Variants in SLIT3 observed in about 807,000 individuals in gnomAD.
SLIT3 encodes the protein slit guidance ligand 3.
Under a neutral mutation model 184.0 loss-of-function variants are expected in SLIT3, and 68 were observed. The observed-to-expected ratio is 0.37, with a 90% CI of 0.30 to 0.45. The LOEUF is 0.45. Ranked by LOEUF, SLIT3 falls within the 20% of genes least tolerant of loss-of-function variation. SLIT3 has a pLI of 1.00. For synonymous variants in SLIT3, 831 were observed against 828.6 expected (o/e 1.00, Z -0.05); for missense variants, 1,707 against 2,026.0 (o/e 0.84, Z 3.02).
chr5:168,940,840 G>A (rs1762307860), intron 4 of SLIT3, among the ~76,000 whole-genome samples: 1 of 152,172 alleles, frequency 6.6e-6, no homozygotes, highest in Non-Finnish European at 1.5e-5. Context: ...GATGTGGCAA[G>A]GGACAGGGTT....
intron 4 of SLIT3, among the ~76,000 whole-genome samples, chr5:169,129,773 G>T (rs1405041166): frequency 1.3e-5 from 2 of 152,182 alleles, no homozygotes; most frequent in African/African-American, 2.4e-5. Context: ...CCAAAATATA[G>T]TTTGGAGTTC....
chr5:168,776,395 A>C (rs773573821), intron 12 of SLIT3, among the ~76,000 whole-genome samples: 1 of 152,200 alleles, frequency 6.6e-6, no homozygotes, highest in Non-Finnish European at 1.5e-5. Flanking sequence ...AAATGCTCAT[A>C]CTGCTAGAAT....
At chr5:169,203,046 G>C (rs1763951761) in intron 3 of SLIT3, among the ~76,000 whole-genome samples, 1 of 152,148 alleles carries the variant, frequency 6.6e-6, no homozygotes, top group Admixed American at 6.5e-5. Context: ...ATGGACAAGA[G>C]TCCTGTCTAC....
intron 6 of SLIT3, among the ~76,000 whole-genome samples, chr5:168,829,122 G>T (rs1273122830): frequency 6.6e-6 from 1 of 152,158 alleles, no homozygotes; most frequent in African/African-American, 2.4e-5. Flanking sequence ...TGATCTGGAG[G>T]AGACACGTCC....
At chr5:169,267,119 G>A (rs564576714) in intron 1 of SLIT3, among the ~76,000 whole-genome samples, 2 of 152,198 alleles carry the variant, frequency 1.3e-5, no homozygotes, top group Admixed American at 6.5e-5. Flanking sequence ...CAGCCTATGA[G>A]GTTGATGCTA....
chr5:169,177,491 T>C (rs1763020765), intron 4 of SLIT3, among the ~76,000 whole-genome samples: 1 of 152,148 alleles, frequency 6.6e-6, no homozygotes, highest in African/African-American at 2.4e-5. Flanking sequence ...AATTTGGGAC[T>C]CCTCACTGGA....
Position 168,793,070 on chromosome 5 carries a change from C to G in SLIT3, c.1007+2437G>C, listed in dbSNP as rs1028804189. On this transcript the variant is annotated intron_variant, in intron 10 of 35. Transcript: ENST00000519560. ...ATTATGTATGTGAAAATATTCCAAACTTTGAAAAATTCAGAACGCTGAAAT... is the reference window on the plus strand; with the variant it reads ...ATTATGTATGTGAAAATATTCCAAAGTTTGAAAAATTCAGAACGCTGAAAT... Among the ~76,000 whole-genome samples, 3 of 152,156 alleles carry G rather than the reference C, an allele frequency of 2.0e-5. No homozygotes were observed. The South Asian group carries it at 6.2e-4, about 32-fold the overall frequency.
intron 14 of SLIT3, among the ~76,000 whole-genome samples, chr5:168,767,212 T>C (rs17070444): frequency 0.016 from 2,436 of 152,268 alleles, 71 homozygotes; most frequent in African/African-American, 0.056. Context: ...AGGGGTAACC[T>C]CAGATAGACG....
intron 20 of SLIT3, among the ~76,000 whole-genome samples, chr5:168,726,828 A>G (rs1265147721): frequency 6.6e-6 from 1 of 151,252 alleles, no homozygotes; most frequent in Non-Finnish European, 1.5e-5. Flanking sequence ...ACAAAACAAA[A>G]CAAAACAAAA....
At chr5:168,891,441 T>C (rs1188605683) in intron 4 of SLIT3, among the ~76,000 whole-genome samples, 1 of 152,184 alleles carries the variant, frequency 6.6e-6, no homozygotes, top group Non-Finnish European at 1.5e-5. Context: ...GTCCTTGGAC[T>C]CCTTCAAGCT....
intron 1 of SLIT3, among the ~76,000 whole-genome samples, chr5:169,277,878 T>C (rs1490056899): frequency 6.6e-6 from 1 of 152,226 alleles, no homozygotes; most frequent in Non-Finnish European, 1.5e-5. Flanking sequence ...TCACCAGCAA[T>C]GTAGGAGGGT....
chr5:168,850,779 C>G (rs1245857558), intron 5 of SLIT3, among the ~76,000 whole-genome samples: 1 of 152,220 alleles, frequency 6.6e-6, no homozygotes, highest in South Asian at 2.1e-4. Context: ...TGCAACTTCT[C>G]AGCAGGAGAA....
intron 4 of SLIT3, among the ~76,000 whole-genome samples, chr5:169,193,174 T>A (rs1763614177): frequency 6.6e-6 from 1 of 152,156 alleles, no homozygotes; most frequent in Non-Finnish European, 1.5e-5. Context: ...GGAATTTACC[T>A]GAAGTAAGTT....
At chr5:168,891,175 T>A (rs1760442525) in intron 4 of SLIT3, among the ~76,000 whole-genome samples, 1 of 152,134 alleles carries the variant, frequency 6.6e-6, no homozygotes, top group Non-Finnish European at 1.5e-5. Context: ...AAAGTCTAAT[T>A]TTAGGGAAAA....
chr5:168,968,654 C>A (rs62377237), intron 4 of SLIT3, among the ~76,000 whole-genome samples: 6,026 of 152,250 alleles, frequency 0.04, 158 homozygotes, highest in Middle Eastern at 0.065. Flanking sequence ...ACCTGTCAAC[C>A]AAAACTGGTC....
intron 3 of SLIT3, among the ~76,000 whole-genome samples, chr5:169,213,684 C>T (rs1016314228): frequency 6.6e-6 from 1 of 152,220 alleles, no homozygotes; most frequent in African/African-American, 2.4e-5. Context: ...TGACCTATTA[C>T]ACATTTTACT....
chr5:168,830,832 C>T (rs1408282694), intron 6 of SLIT3, among the ~76,000 whole-genome samples: 1 of 152,236 alleles, frequency 6.6e-6, no homozygotes, highest in Non-Finnish European at 1.5e-5. Flanking sequence ...ACAGGATTGT[C>T]TTCAGACAGA....
chr5:169,207,317 C>T (rs935166230), intron 3 of SLIT3, among the ~76,000 whole-genome samples: 4 of 150,798 alleles, frequency 2.7e-5, no homozygotes, highest in Admixed American at 2.0e-4. Flanking sequence ...AAATAGATTC[C>T]AGGTGTGTTG....
chr5:168,698,175 G>A (rs1471250276), intron 27 of SLIT3, among the ~76,000 whole-genome samples: 7 of 152,184 alleles, frequency 4.6e-5, no homozygotes, highest in Non-Finnish European at 8.8e-5. Flanking sequence ...TGTATGAAGA[G>A]GCTGGTGATG....
Sources: allele counts gnomAD v4.1 joint callset (sites outside exome capture counted in the v4.1 genomes callset), GRCh38; gene constraint gnomAD v4.1.1; transcripts MANE v1.5; gene names NCBI Gene and HGNC (gene_info 2026-07-23, HGNC 2026-07-21).